Variants in DACH2 observed in about 807,000 individuals in gnomAD.
The protein encoded by DACH2 is dachshund homolog 2.
A neutral mutation model predicts 35.8 loss-of-function variants in DACH2; 17 were observed. The observed-to-expected ratio is 0.48, with a 90% CI of 0.33 to 0.71. The LOEUF (loss-of-function observed/expected upper bound fraction) is 0.71, where lower values mean the gene tolerates loss of function less well. DACH2 is among the 30% of genes least tolerant of loss of function. The pLI is 0.02. For synonymous variants in DACH2, 195 were observed against 177.3 expected (o/e 1.10, Z -0.79); for missense variants, 469 against 472.7 (o/e 0.99, Z 0.07).
At chrX:86,552,531 G>A (rs1442870345) in intron 3 of DACH2, among the ~76,000 whole-genome samples, 3 of 111,992 alleles carry the variant, frequency 2.7e-5, no homozygotes, top group Non-Finnish European at 5.6e-5. Context: ...AGATTAAAAC[G>A]CAAAACAACT....
intron 2 of DACH2, among the ~76,000 whole-genome samples, chrX:86,399,857 T>C (rs2036387162): frequency 9.0e-6 from 1 of 111,444 alleles, no homozygotes; most frequent in Non-Finnish European, 1.9e-5. Context: ...CAATTATGTG[T>C]CTTGGACTTG....
intron 7 of DACH2, among the ~76,000 whole-genome samples, chrX:86,745,669 C>T (rs544251393): frequency 1.8e-5 from 2 of 111,021 alleles, no homozygotes; most frequent in Admixed American, 1.9e-4. Context: ...GTTGATTTAA[C>T]GTCTCTGCTC....
chrX:86,383,602 A>C (rs1415749367), intron 2 of DACH2, among the ~76,000 whole-genome samples: 6 of 101,193 alleles, frequency 5.9e-5, no homozygotes, highest in Non-Finnish European at 4.0e-5. Flanking sequence ...CTAGATAATA[A>C]TACTATAATA....
chrX:86,180,576 T>C (rs1203607145), intron 1 of DACH2, among the ~76,000 whole-genome samples: 1 of 111,003 alleles, frequency 9.0e-6, no homozygotes, highest in East Asian at 2.8e-4. Context: ...TTAGTATTGC[T>C]AGTTTAGCTT....
chrX:86,830,783 T>C (rs888926058), intron 11 of DACH2: 2 of 111,601 alleles, frequency 1.8e-5, no homozygotes, highest in Admixed American at 9.5e-5. Flanking sequence ...ATGACTGTCA[T>C]TTCATGTCAA....
chrX:86,411,355 C>T (rs2036611668), intron 2 of DACH2, among the ~76,000 whole-genome samples: 1 of 109,980 alleles, frequency 9.1e-6, no homozygotes, highest in Non-Finnish European at 1.9e-5. Flanking sequence ...ATCTTTTTAA[C>T]ATTTTAACAG....
chrX:86,275,860 C>A (rs147906926), intron 1 of DACH2, among the ~76,000 whole-genome samples: 6,489 of 111,716 alleles, frequency 0.058, 185 homozygotes, highest in East Asian at 0.23. Flanking sequence ...CCAGTTTTAC[C>A]CATGTTGTTG....
At chrX:86,611,724 A>T (rs2039947031) in intron 3 of DACH2, among the ~76,000 whole-genome samples, 1 of 110,907 alleles carries the variant, frequency 9.0e-6, no homozygotes, top group Admixed American at 9.6e-5. Flanking sequence ...GCCAAGTCTC[A>T]CAATCTCCAT....
chrX:86,404,601 C>A (rs1261247905), intron 2 of DACH2, among the ~76,000 whole-genome samples: 5 of 112,332 alleles, frequency 4.5e-5, no homozygotes, highest in African/African-American at 1.6e-4. Context: ...TACAACCCTG[C>A]TTCTGGCTGC....
At chrX:86,392,807 C>A (rs1393400996) in intron 2 of DACH2, among the ~76,000 whole-genome samples, 1 of 111,661 alleles carries the variant, frequency 9.0e-6, no homozygotes, top group African/African-American at 3.3e-5. Context: ...ACACACGCTG[C>A]CCCTCTTGCT....
chrX:86,607,247 T>C (rs1602694414), intron 3 of DACH2, among the ~76,000 whole-genome samples: 1 of 111,807 alleles, frequency 8.9e-6, no homozygotes, highest in East Asian at 2.8e-4. Context: ...CTGAGCGTTT[T>C]GATGTCTTTT....
intron 3 of DACH2, among the ~76,000 whole-genome samples, chrX:86,553,683 A>G (rs2039079991): frequency 8.9e-6 from 1 of 111,920 alleles, no homozygotes; most frequent in African/African-American, 3.2e-5. Context: ...AAAGTTTTGT[A>G]TGTATGTAGA....
At chrX:86,563,205 C>T (rs1378531537) in intron 3 of DACH2, among the ~76,000 whole-genome samples, 3 of 109,351 alleles carry the variant, frequency 2.7e-5, no homozygotes, top group African/African-American at 1.0e-4. Flanking sequence ...CATTGGATTT[C>T]TACAAAATAG....
chrX:86,426,090 G>A (rs1321979629), intron 2 of DACH2, among the ~76,000 whole-genome samples: 1 of 111,529 alleles, frequency 9.0e-6, no homozygotes, highest in Non-Finnish European at 1.9e-5. Context: ...GATAAATATT[G>A]TAGCCACAAA....
intron 2 of DACH2, among the ~76,000 whole-genome samples, chrX:86,398,266 G>C (rs1179867570): frequency 8.9e-6 from 1 of 112,230 alleles, no homozygotes; most frequent in African/African-American, 3.2e-5. Context: ...GCATCTATTT[G>C]ATTCTTCTCT....
intron 1 of DACH2, among the ~76,000 whole-genome samples, chrX:86,239,715 T>G (rs1426493621): frequency 1.8e-5 from 2 of 112,211 alleles, no homozygotes; most frequent in African/African-American, 6.5e-5. Flanking sequence ...TCTTGTTGAC[T>G]ATAGCATTGC....
intron 3 of DACH2, among the ~76,000 whole-genome samples, chrX:86,630,431 T>G (rs1406714637): frequency 9.1e-6 from 1 of 109,359 alleles, no homozygotes; most frequent in African/African-American, 3.3e-5. Flanking sequence ...CACATATATA[T>G]ATATGAACGA....
intron 3 of DACH2, among the ~76,000 whole-genome samples, chrX:86,638,732 G>T (rs1385228319): frequency 9.0e-6 from 1 of 111,597 alleles, no homozygotes; most frequent in Non-Finnish European, 1.9e-5. Flanking sequence ...CAGTCAGACT[G>T]GCTATTTTTA....
At chrX:86,698,514 G>GTT (rs1345238527) in intron 5 of DACH2, among the ~76,000 whole-genome samples, 4 of 34,338 alleles carry the variant, frequency 1.2e-4, no homozygotes, top group Non-Finnish European at 2.0e-4. Context: ...TGTTTTGTTA[G>GTT]TTTTGTGTTT....
Sources: allele counts gnomAD v4.1 joint callset (sites outside exome capture counted in the v4.1 genomes callset), GRCh38; gene constraint gnomAD v4.1.1; transcripts MANE v1.5; gene names NCBI Gene and HGNC (gene_info 2026-07-23, HGNC 2026-07-21).